The following CYCS variants were observed in gnomAD, a reference collection of about 807,000 sequenced individuals.
CYCS encodes cytochrome c.
For synonymous variants in CYCS, 41 were observed against 43.0 expected (o/e 0.95, Z 0.18); for missense variants, 87 against 125.3 (o/e 0.69, Z 1.46).
intron 1 of CYCS, 35 bp from the exon 2 acceptor site, chr7:25,124,162 C>G (rs1377491542): frequency 1.3e-6 from 2 of 1,568,886 alleles, no homozygotes; most frequent in Admixed American, 1.7e-5. Flanking sequence ...TAAATTTTTC[C>G]TCAGGTAACA....
chr7:25,123,973 G>A lies in CYCS; in HGVS notation c.147C>T (p.Tyr49=), dbSNP rs375916000. The A allele has an allele frequency of 5.1e-5, 82 of 1,614,044 alleles. No homozygotes were observed. Among genetic ancestry groups the A allele is most frequent in the Non-Finnish European group, 6.5e-5 (77 of 1,180,038 alleles). ...RKTGQAPGYS[Y]TAANKNKGII... is the part of the protein sequence containing the mutation. ...TACCTTTGTTCTTATTGGCGGCTGT[G>A]TAAGAGTATCCAGGGGCCTGACCTG... is the stretch of plus-strand genomic sequence containing the variant. The change falls in exon 2 of 3, where the codon TAC becomes TAT. Residue 49 remains tyrosine, a synonymous_variant. Coordinates refer to ENST00000305786, the MANE Select transcript of CYCS (RefSeq NM_018947.6).
At position 25,123,050 on chromosome 7, in the gene CYCS, A is replaced by C. The variant is rs1305020144; in HGVS notation, c.*651T>G. ...GTAAAGAATTCAAGAGTGAAGTTTA[A>C]CTTGCTACTATTTTAAAAGCATGTG... On this transcript the variant is annotated 3_prime_UTR_variant, in exon 3 of 3. Coordinates refer to ENST00000305786, the MANE Select transcript of CYCS (RefSeq NM_018947.6). 6.5e-6 allele frequency: 1 copy of C among 152,886 alleles called. No individual in the cohort carries two copies. Among genetic ancestry groups the C allele is most frequent in the Non-Finnish European group, 1.5e-5 (1 of 68,518 alleles). 9.5% of individuals were successfully genotyped at this position (152,886 alleles called of 1,614,324 possible).
rs1057332576 is a variant in CYCS at position 25,119,111 on chromosome 7, T to C, written c.*4590A>G. Among the ~76,000 whole-genome samples, 10 of 152,324 alleles carry C rather than the reference T, an allele frequency of 6.6e-5. No individual in the cohort carries two copies. Among genetic ancestry groups the C allele is most frequent in the South Asian group, 2.1e-4 (1 of 4,830 alleles). On this transcript the variant is annotated 3_prime_UTR_variant, in exon 3 of 3. Transcript: ENST00000305786. ...CCCGACAGTGCCTAGAAGAGACTTATGTGGGAGACAAAGTTTCTGGTCAGG... is the reference window on the plus strand; with the variant it reads ...CCCGACAGTGCCTAGAAGAGACTTACGTGGGAGACAAAGTTTCTGGTCAGG...
In CYCS at chr7:25,122,996, C is replaced by T. The variant is rs1026697759; in HGVS notation, c.*705G>A. The T allele has an allele frequency of 6.6e-6, 1 of 152,396 alleles. No homozygotes were observed. The highest frequency in any genetic ancestry group is 2.4e-5 in the African/African-American group (1 of 41,448). 9.4% of individuals were successfully genotyped at this position (152,396 alleles called of 1,614,324 possible). A position where few individuals can be genotyped will look rare whatever the true frequency, so the allele number is the denominator to read the frequency against. The stretch of plus-strand genomic sequence containing the variant: ...TCTGAATGGCTGTTTAAAGACAATC[C>T]TAAATTATAACTTAGTTTGACTTAG... On this transcript the variant is annotated 3_prime_UTR_variant, in exon 3 of 3. Coordinates refer to ENST00000305786, the MANE Select transcript of CYCS (RefSeq NM_018947.6).
chr7:25,124,629 T>G, intron 1 of CYCS: 1 of 191,602 alleles, frequency 5.2e-6, no homozygotes, highest in Non-Finnish European at 1.1e-5. Context: ...ACACTCGAAC[T>G]TGTGAATGGG....
In CYCS at chr7:25,119,742, C is replaced by T. The variant is rs944110813; in HGVS notation, c.*3959G>A. On this transcript the variant is annotated 3_prime_UTR_variant, in exon 3 of 3. Transcript: ENST00000305786. ...GGTGTGCACCACGACGCCCAGTTAT[C>T]TAGTTTACTCTTACCCAAGTATAAA... Among the ~76,000 whole-genome samples the T allele has an allele frequency of 6.6e-6, 1 of 152,178 alleles. No homozygotes were observed. Among genetic ancestry groups the T allele is most frequent in the Non-Finnish European group, 1.5e-5 (1 of 68,026 alleles).
At position 25,123,228 on chromosome 7, in the gene CYCS, T is replaced by C. The variant is rs1287933073; in HGVS notation, c.*473A>G. On this transcript the variant is annotated 3_prime_UTR_variant, in exon 3 of 3. Transcript: ENST00000305786. ...ATAGTTAAGGCCAAAACTATAGACATTGCTACCTTATTTATCTTCAACCCT... is the reference window on the plus strand; with the variant it reads ...ATAGTTAAGGCCAAAACTATAGACACTGCTACCTTATTTATCTTCAACCCT... The C allele has an allele frequency of 5.3e-6, 1 of 187,620 alleles. No individual in the cohort carries two copies. Among genetic ancestry groups the C allele is most frequent in the African/African-American group, 2.4e-5 (1 of 41,950 alleles). 11.6% of individuals were successfully genotyped at this position (187,620 alleles called of 1,614,324 possible). A position where few individuals can be genotyped will look rare whatever the true frequency, so the allele number is the denominator to read the frequency against.
chr7:25,121,699 C>CA lies in CYCS; in HGVS notation c.*2001dup, dbSNP rs1448835350. The CA allele has an allele frequency of 6.6e-6, 1 of 152,220 alleles. No individual in the cohort carries two copies. The highest frequency in any genetic ancestry group is 2.4e-5 in the African/African-American group (1 of 41,444). The allele number at this position is 152,220 out of a possible 1,614,324, so 9.4% of individuals were successfully genotyped here. Reference sequence around the variant, plus strand: ...ATCCCAGCACTTTGGGGAGCCAAGGCAAGTGGACGGATTGCTTGAGCTCAG... The same window carrying CA: ...ATCCCAGCACTTTGGGGAGCCAAGGCAAAGTGGACGGATTGCTTGAGCTCAG... On this transcript the variant is annotated 3_prime_UTR_variant, in exon 3 of 3. Transcript: ENST00000305786.
Position 25,119,128 on chromosome 7 carries a change from C to G in CYCS, c.*4573G>C, listed in dbSNP as rs1463796530. On this transcript the variant is annotated 3_prime_UTR_variant, in exon 3 of 3. Transcript: ENST00000305786. Reference sequence around the variant, plus strand: ...GAGACTTATGTGGGAGACAAAGTTTCTGGTCAGGTGTATTTGTATACTTCA... The same window carrying G: ...GAGACTTATGTGGGAGACAAAGTTTGTGGTCAGGTGTATTTGTATACTTCA... Among the ~76,000 whole-genome samples, 2 of 152,188 alleles carry G rather than the reference C, an allele frequency of 1.3e-5. No homozygotes were observed. Among genetic ancestry groups the G allele is most frequent in the Non-Finnish European group, 2.9e-5 (2 of 68,028 alleles).
Position 25,123,139 on chromosome 7 carries a change from C to T in CYCS, c.*562G>A, listed in dbSNP as rs1583394402. 2 of 160,522 alleles carry T rather than the reference C, an allele frequency of 1.2e-5. No individual in the cohort carries two copies. The highest frequency in any genetic ancestry group is 4.8e-5 in the African/African-American group (2 of 41,606). The allele number at this position is 160,522 out of a possible 1,614,324, so 9.9% of individuals were successfully genotyped here. On this transcript the variant is annotated 3_prime_UTR_variant, in exon 3 of 3. Coordinates refer to ENST00000305786, the MANE Select transcript of CYCS (RefSeq NM_018947.6). ...TCTTTAATATTACACATAAACCACA[C>T]TAAAATGCCTTTCAATAAGTAAAAG...
rs938344841 is a variant in CYCS at position 25,122,640 on chromosome 7, G to C, written c.*1061C>G. 1 of 152,238 alleles carries C rather than the reference G, an allele frequency of 6.6e-6. No homozygotes were observed. Among genetic ancestry groups the C allele is most frequent in the Non-Finnish European group, 1.5e-5 (1 of 68,048 alleles). 9.4% of individuals were successfully genotyped at this position (152,238 alleles called of 1,614,324 possible). A position where few individuals can be genotyped will look rare whatever the true frequency, so the allele number is the denominator to read the frequency against. On this transcript the variant is annotated 3_prime_UTR_variant, in exon 3 of 3. Coordinates refer to ENST00000305786, the MANE Select transcript of CYCS (RefSeq NM_018947.6). Reference sequence around the variant, plus strand: ...TTCTCAATCTGAGCAAAGAAACTAAGAGTCAATTAGTGAAGTGTTATTCTA... The same window carrying C: ...TTCTCAATCTGAGCAAAGAAACTAACAGTCAATTAGTGAAGTGTTATTCTA...
Position 25,124,135 on chromosome 7 carries a change from C to G in CYCS, c.-8-8G>C. 2 of 1,610,252 alleles carry G rather than the reference C, an allele frequency of 1.2e-6. No individual in the cohort carries two copies. Among genetic ancestry groups the G allele is most frequent in the South Asian group, 1.1e-5 (1 of 91,028 alleles). On this transcript the variant is annotated splice_polypyrimidine_tract_variant and splice_region_variant and intron_variant, in intron 1 of 2. Transcript: ENST00000305786. Reference sequence around the variant, plus strand: ...CATCACCCATATTTAATTCTAAAAACGAAAGCTTCAACTTAGTAAATTTTT... The same window carrying G: ...CATCACCCATATTTAATTCTAAAAAGGAAAGCTTCAACTTAGTAAATTTTT...
intron 1 of CYCS, among the ~76,000 whole-genome samples, chr7:25,124,359 C>T (rs1413324803): frequency 2.0e-5 from 3 of 152,022 alleles, no homozygotes; most frequent in Admixed American, 1.3e-4. Flanking sequence ...CGTGAAGGAA[C>T]GTTAAAGCCC....
At position 25,119,192 on chromosome 7, in the gene CYCS, A is replaced by G. The variant is rs1424068127; in HGVS notation, c.*4509T>C. Among the ~76,000 whole-genome samples, 1 of 152,218 alleles carries G rather than the reference A, an allele frequency of 6.6e-6. No individual in the cohort carries two copies. Among genetic ancestry groups the G allele is most frequent in the Non-Finnish European group, 1.5e-5 (1 of 68,042 alleles). On this transcript the variant is annotated 3_prime_UTR_variant, in exon 3 of 3. Transcript: ENST00000305786. ...TTGCATTACATAGCTCTCGCCCCCA[A>G]CTTGGCAACATCTTATTGGTTTTCA...
In CYCS at chr7:25,121,640, A is replaced by G. The variant is rs1783364784; in HGVS notation, c.*2061T>C. The G allele has an allele frequency of 6.6e-6, 1 of 152,210 alleles. No individual in the cohort carries two copies. Among genetic ancestry groups the G allele is most frequent in the East Asian group, 1.9e-4 (1 of 5,196 alleles). 9.4% of individuals were successfully genotyped at this position (152,210 alleles called of 1,614,324 possible). Reference sequence around the variant, plus strand: ...TTAAATAATAAGATTTCTGAATTTGAAAACCAGGCAGGGCCTGGTGGCTCA... The same window carrying G: ...TTAAATAATAAGATTTCTGAATTTGGAAACCAGGCAGGGCCTGGTGGCTCA... On this transcript the variant is annotated 3_prime_UTR_variant, in exon 3 of 3. Coordinates refer to ENST00000305786, the MANE Select transcript of CYCS (RefSeq NM_018947.6).
chr7:25,119,028 G>C lies in CYCS; in HGVS notation c.*4673C>G, dbSNP rs1783317635. ...CTGAACTCTAAGGATATGAACACCA[G>C]GACAATGGTTATTCTGAGGCACAGA... On this transcript the variant is annotated 3_prime_UTR_variant, in exon 3 of 3. Coordinates refer to ENST00000305786, the MANE Select transcript of CYCS (RefSeq NM_018947.6). Among the ~76,000 whole-genome samples, 1 of 152,118 alleles carries C rather than the reference G, an allele frequency of 6.6e-6. No individual in the cohort carries two copies. Among genetic ancestry groups the C allele is most frequent in the Non-Finnish European group, 1.5e-5 (1 of 68,032 alleles).
At position 25,120,954 on chromosome 7, in the gene CYCS, G is replaced by C. The variant is rs188208626; in HGVS notation, c.*2747C>G. ...AGCCTGTCCAGCATGGAGAAACCCT[G>C]TCTCTACTAAAAACACAAAATAAGC... On this transcript the variant is annotated 3_prime_UTR_variant, in exon 3 of 3. Coordinates refer to ENST00000305786, the MANE Select transcript of CYCS (RefSeq NM_018947.6). 6.6e-6 allele frequency: 1 copy of C among 152,006 alleles called. No individual in the cohort carries two copies. Among genetic ancestry groups the C allele is most frequent in the East Asian group, 2.0e-4 (1 of 5,106 alleles). The allele number at this position is 152,006 out of a possible 1,614,324, so 9.4% of individuals were successfully genotyped here. A position where few individuals can be genotyped will look rare whatever the true frequency, so the allele number is the denominator to read the frequency against.
chr7:25,121,603 A>G lies in CYCS; in HGVS notation c.*2098T>C, dbSNP rs1783364319. ...TTAAACCTAAGTTACTACTGGGCTG[A>G]TTACTTCTGGGTTAAATAATAAGAT... is the stretch of plus-strand genomic sequence containing the variant. On this transcript the variant is annotated 3_prime_UTR_variant, in exon 3 of 3. Transcript: ENST00000305786. 1 of 152,170 alleles carries G rather than the reference A, an allele frequency of 6.6e-6. No individual in the cohort carries two copies. Among genetic ancestry groups the G allele is most frequent in the Non-Finnish European group, 1.5e-5 (1 of 68,042 alleles). 9.4% of individuals were successfully genotyped at this position (152,170 alleles called of 1,614,324 possible). A position where few individuals can be genotyped will look rare whatever the true frequency, so the allele number is the denominator to read the frequency against.
rs1783331328 is a variant in CYCS, at chr7:25,119,823, T to C, written c.*3878A>G. On this transcript the variant is annotated 3_prime_UTR_variant, in exon 3 of 3. Transcript: ENST00000305786. ...AACTGTCCTTGGTAAGATCTCCTTC[T>C]TGACAGCCATGTGGATTCTATCACA... 6.6e-6 allele frequency among the ~76,000 whole-genome samples: 1 copy of C among 152,216 alleles called. No individual in the cohort carries two copies. The highest frequency in any genetic ancestry group is 2.1e-4 in the South Asian group (1 of 4,834).
Sources: gnomAD v4.1 joint callset for allele counts (sites outside exome capture counted in the v4.1 genomes callset) on GRCh38, gnomAD v4.1.1 for gene constraint, MANE v1.5 for transcripts, NCBI Gene and HGNC (gene_info 2026-07-23, HGNC 2026-07-21) for gene names.